ANKRD44: variants seen among roughly 807,000 people sequenced by gnomAD.
ANKRD44 encodes the protein serine/threonine-protein phosphatase 6 regulatory ankyrin repeat subunit B.
A neutral mutation model predicts 116.0 loss-of-function variants in ANKRD44; 35 were observed. The ratio of observed to expected loss-of-function variants is 0.30; its 90% CI spans 0.23 to 0.40. The LOEUF (loss-of-function observed/expected upper bound fraction) is 0.40, where lower values mean the gene tolerates loss of function less well. ANKRD44 is among the 10% of genes least tolerant of loss of function. ANKRD44 has a pLI of 1.00. For missense variants in ANKRD44, 1,014 were observed against 1,242.6 expected (o/e 0.82, Z 2.77); for synonymous variants, 435 against 461.8 (o/e 0.94, Z 0.74).
At chr2:197,189,032 G>A (rs1314596121) in intron 1 of ANKRD44, among the ~76,000 whole-genome samples, 1 of 152,126 alleles carries the variant, frequency 6.6e-6, no homozygotes, top group African/African-American at 2.4e-5. Context: ...ATCTGCTGTT[G>A]GGAATGTGAG....
At chr2:197,256,779 T>G (rs1393570501) in intron 1 of ANKRD44, among the ~76,000 whole-genome samples, 1 of 152,194 alleles carries the variant, frequency 6.6e-6, no homozygotes, top group East Asian at 1.9e-4. Flanking sequence ...AAGAGGCTCG[T>G]ATCCTAAGCT....
chr2:197,226,683 G>T, intron 1 of ANKRD44, among the ~76,000 whole-genome samples: 1 of 151,880 alleles, frequency 6.6e-6, no homozygotes, highest in Admixed American at 6.6e-5. Flanking sequence ...TTTCCCTGGT[G>T]ATTCTGATGT....
chr2:197,014,438 C>T (rs2076351813), intron 17 of ANKRD44, among the ~76,000 whole-genome samples: 1 of 152,078 alleles, frequency 6.6e-6, no homozygotes, highest in African/African-American at 2.4e-5. Flanking sequence ...TATGGAAATA[C>T]ACTCCATGTA....
chr2:197,027,446 A>T (rs1477294975), intron 16 of ANKRD44, among the ~76,000 whole-genome samples: 1 of 152,122 alleles, frequency 6.6e-6, no homozygotes. Flanking sequence ...ATTGGATGAG[A>T]TGAACAGAGT....
At chr2:197,267,736 G>A (rs1266287030) in intron 1 of ANKRD44, among the ~76,000 whole-genome samples, 1 of 152,204 alleles carries the variant, frequency 6.6e-6, no homozygotes, top group Non-Finnish European at 1.5e-5. Context: ...TGCTAGAGTA[G>A]GGTTGTCCAA....
chr2:197,277,523 C>A (rs1048592489), intron 1 of ANKRD44, among the ~76,000 whole-genome samples: 1 of 152,118 alleles, frequency 6.6e-6, no homozygotes, highest in Non-Finnish European at 1.5e-5. Context: ...CATACATTAT[C>A]TCCATCCAAA....
intron 16 of ANKRD44, among the ~76,000 whole-genome samples, chr2:197,045,533 T>A (rs1403300863): frequency 2.0e-5 from 3 of 148,740 alleles, no homozygotes; most frequent in Non-Finnish European, 3.0e-5. Context: ...TCCACCCCTG[T>A]TATTCACTCA....
In ANKRD44 at chr2:197,088,883, C is replaced by T. The variant is rs969948807; in HGVS notation, c.1184-109G>A. 8.2e-6 allele frequency: 10 copies of T among 1,226,954 alleles called. No individual in the cohort carries two copies. In the African/African-American group the frequency reaches 1.1e-4, roughly 13 times the overall value. The allele number at this position is 1,226,954 out of a possible 1,614,324, so 76.0% of individuals were successfully genotyped here. ...ACAGAAAAATCAGTTAGTAGAAAAA[C>T]CAGAATGCAAGCAATTGTAGTCAGA... On this transcript the variant is annotated intron_variant, in intron 11 of 27. Transcript: ENST00000282272.
intron 21 of ANKRD44, among the ~76,000 whole-genome samples, chr2:196,975,321 A>C (rs1366422055): frequency 6.6e-6 from 1 of 152,202 alleles, no homozygotes. Flanking sequence ...AAAAACAAAC[A>C]AAAAAACCCA....
chr2:197,066,291 A>G (rs906660352), intron 16 of ANKRD44, among the ~76,000 whole-genome samples: 2 of 152,216 alleles, frequency 1.3e-5, no homozygotes, highest in African/African-American at 2.4e-5. Context: ...GACATATCTC[A>G]AAATATTAAG....
intron 21 of ANKRD44, among the ~76,000 whole-genome samples, chr2:196,971,245 C>A (rs1462119119): frequency 1.3e-5 from 2 of 152,178 alleles, no homozygotes; most frequent in East Asian, 3.8e-4. Flanking sequence ...CACCTATAAA[C>A]AATATGTGAA....
At chr2:197,285,327 T>A (rs1684698154) in intron 1 of ANKRD44, among the ~76,000 whole-genome samples, 3 of 152,166 alleles carry the variant, frequency 2.0e-5, no homozygotes, top group African/African-American at 7.2e-5. Flanking sequence ...TATAAAATGC[T>A]ACCTGTGATA....
At chr2:197,019,171 T>G (rs2076448213) in intron 17 of ANKRD44, among the ~76,000 whole-genome samples, 1 of 152,236 alleles carries the variant, frequency 6.6e-6, no homozygotes, top group African/African-American at 2.4e-5. Flanking sequence ...AGAAATGCAG[T>G]GGCTTGAGCG....
chr2:197,180,821 G>A (rs2125579680), intron 2 of ANKRD44, among the ~76,000 whole-genome samples: 1 of 151,976 alleles, frequency 6.6e-6, no homozygotes, highest in East Asian at 1.9e-4. Context: ...AGTCCTTCTG[G>A]GTGGATTTTT....
intron 16 of ANKRD44, among the ~76,000 whole-genome samples, chr2:197,050,928 G>A (rs1182797956): frequency 6.6e-6 from 1 of 151,614 alleles, no homozygotes; most frequent in Non-Finnish European, 1.5e-5. Flanking sequence ...CTAGTACCCT[G>A]GGATATCTCT....
intron 1 of ANKRD44, among the ~76,000 whole-genome samples, chr2:197,241,296 A>C (rs187403430): frequency 6.6e-6 from 1 of 152,378 alleles, no homozygotes; most frequent in Admixed American, 6.5e-5. Context: ...AAATAAGCTT[A>C]GGAAACACTG....
At chr2:197,177,726 G>A (rs1004618750) in intron 2 of ANKRD44, among the ~76,000 whole-genome samples, 17 of 151,994 alleles carry the variant, frequency 1.1e-4, no homozygotes, top group African/African-American at 4.1e-4. Context: ...CCAAGATTCA[G>A]CTATAATTAA....
chr2:197,035,035 T>C (rs998839777), intron 16 of ANKRD44, among the ~76,000 whole-genome samples: 2 of 152,216 alleles, frequency 1.3e-5, no homozygotes, highest in Non-Finnish European at 2.9e-5. Context: ...AGGACTCACA[T>C]GAACAGCATT....
chr2:197,007,962 T>G (rs751489652), intron 19 of ANKRD44, 39 bp from the exon 20 acceptor site: 18 of 1,441,206 alleles, frequency 1.2e-5, no homozygotes, highest in Admixed American at 8.5e-5. Context: ...AAAAGGAGAT[T>G]TAAAAAAATA....
Sources: allele counts gnomAD v4.1 joint callset (sites outside exome capture counted in the v4.1 genomes callset), GRCh38; gene constraint gnomAD v4.1.1; transcripts MANE v1.5; gene names NCBI Gene and HGNC (gene_info 2026-07-23, HGNC 2026-07-21).